The following CCDC7 variants were observed in gnomAD, a reference collection of about 807,000 sequenced individuals.
CCDC7 encodes coiled-coil domain containing 7, also known as coiled-coil domain-containing protein 7.
A neutral mutation model predicts 196.9 loss-of-function variants in CCDC7; 183 were observed. That is an observed-to-expected ratio of 0.93 (90% CI 0.82 to 1.05). The LOEUF (loss-of-function observed/expected upper bound fraction) is 1.05, where lower values mean the gene tolerates loss of function less well. Among genes scored for constraint, CCDC7 ranks in the 50% least tolerant of loss-of-function variants. The pLI is 0.00. For missense variants in CCDC7, 1,540 were observed against 1,482.2 expected (o/e 1.04, Z -0.64); for synonymous variants, 525 against 484.6 (o/e 1.08, Z -1.10).
At chr10:32,515,073 G>T (rs2046817582) in intron 9 of CCDC7, among the ~76,000 whole-genome samples, 1 of 152,098 alleles carries the variant, frequency 6.6e-6, no homozygotes, top group Admixed American at 6.6e-5. Flanking sequence ...TGATCCTCCT[G>T]CCTTGGCCTC....
intron 25 of CCDC7, among the ~76,000 whole-genome samples, chr10:32,720,611 T>A (rs185043331): frequency 6.6e-6 from 1 of 152,174 alleles, no homozygotes; most frequent in Non-Finnish European, 1.5e-5. Context: ...AAGGGAAGGA[T>A]AACGATTCCC....
intron 29 of CCDC7, among the ~76,000 whole-genome samples, chr10:32,800,700 G>A (rs752205396): frequency 2.6e-5 from 4 of 152,192 alleles, no homozygotes; most frequent in Non-Finnish European, 5.9e-5. Flanking sequence ...TGTTGGTAGT[G>A]TAGTGGGATC....
intron 24 of CCDC7, among the ~76,000 whole-genome samples, chr10:32,700,666 A>G (rs900273427): frequency 6.6e-6 from 1 of 152,132 alleles, no homozygotes; most frequent in African/African-American, 2.4e-5. Flanking sequence ...TTTTCACGAT[A>G]TTGATTCTTC....
chr10:32,510,999 G>T (rs1028747815), intron 9 of CCDC7, among the ~76,000 whole-genome samples: 3 of 150,962 alleles, frequency 2.0e-5, no homozygotes, highest in African/African-American at 7.3e-5. Context: ...TGTTTACAAA[G>T]AACATTTCAC....
chr10:32,445,667 T>G (rs903868672), upstream of CCDC7, among the ~76,000 whole-genome samples: 1 of 152,216 alleles, frequency 6.6e-6, no homozygotes, highest in Non-Finnish European at 1.5e-5. Context: ...AGAAACCACT[T>G]AAGTGTCACA....
intron 29 of CCDC7, among the ~76,000 whole-genome samples, chr10:32,795,161 C>T (rs2083345936): frequency 1.3e-5 from 2 of 152,298 alleles, no homozygotes; most frequent in South Asian, 4.1e-4. Flanking sequence ...ATAAACTTTG[C>T]ATTCCTTTTT....
chr10:32,882,419 T>C (rs1412033585), intron 22 of CCDC7, among the ~76,000 whole-genome samples: 1 of 152,164 alleles, frequency 6.6e-6, no homozygotes, highest in African/African-American at 2.4e-5. Flanking sequence ...TGAGGCCTAG[T>C]TGAGAAGAGG....
At chr10:32,510,803 T>C (rs540513084) in intron 9 of CCDC7, among the ~76,000 whole-genome samples, 3 of 152,246 alleles carry the variant, frequency 2.0e-5, no homozygotes, top group Non-Finnish European at 4.4e-5. Flanking sequence ...TTTTACACTT[T>C]GAATATCAAC....
chr10:32,587,950 C>T (rs1443462510), intron 18 of CCDC7, among the ~76,000 whole-genome samples: 5 of 152,094 alleles, frequency 3.3e-5, no homozygotes, highest in African/African-American at 1.2e-4. Flanking sequence ...ACAGGTGGGA[C>T]CTTTGGGAGT....
chr10:32,479,192 G>A (rs1258233311), intron 8 of CCDC7, among the ~76,000 whole-genome samples: 3 of 151,836 alleles, frequency 2.0e-5, no homozygotes, highest in Admixed American at 1.3e-4. Flanking sequence ...TCTTGCATTC[G>A]TATTTGGACA....
chr10:32,538,208 C>G (rs1419446753), intron 11 of CCDC7, among the ~76,000 whole-genome samples: 2 of 152,208 alleles, frequency 1.3e-5, no homozygotes, highest in Non-Finnish European at 2.9e-5. Context: ...TCTTTCACCT[C>G]CCTAGTTAGC....
At chr10:32,841,256 A>G (rs2092952985) in intron 33 of CCDC7, among the ~76,000 whole-genome samples, 1 of 151,888 alleles carries the variant, frequency 6.6e-6, no homozygotes, top group African/African-American at 2.4e-5. Context: ...AGCACTAAAG[A>G]CTCATCCAAA....
chr10:32,702,297 T>C (rs899188938), intron 24 of CCDC7, among the ~76,000 whole-genome samples: 22 of 152,166 alleles, frequency 1.4e-4, no homozygotes, highest in African/African-American at 3.9e-4. Context: ...CATTCAGGAG[T>C]GGGTTGTTCA....
At chr10:32,564,940 G>A (rs368832302) in intron 13 of CCDC7, among the ~76,000 whole-genome samples, 3 of 152,158 alleles carry the variant, frequency 2.0e-5, no homozygotes, top group East Asian at 1.9e-4. Flanking sequence ...ACCCACTGCT[G>A]CACTCTAGCC....
intron 26 of CCDC7, 65 bp downstream of exon 27, chr10:32,726,897 C>T: frequency 2.1e-6 from 2 of 950,554 alleles, no homozygotes; most frequent in Non-Finnish European, 3.1e-6. Context: ...AAGATCTTTG[C>T]CTTTGATTCC....
At chr10:32,583,942 T>A (rs1015436098) in intron 17 of CCDC7, among the ~76,000 whole-genome samples, 12 of 152,184 alleles carry the variant, frequency 7.9e-5, no homozygotes, top group Admixed American at 7.2e-4. Flanking sequence ...ATCTTAATAA[T>A]TATTAACACT....
intron 12 of CCDC7, 58 bp from the exon 14 acceptor site, chr10:32,544,189 C>G: frequency 6.9e-7 from 1 of 1,441,014 alleles, no homozygotes; most frequent in South Asian, 1.4e-5. Flanking sequence ...CTCAAGAAAG[C>G]AAAGCAGTGA....
intron 28 of CCDC7, among the ~76,000 whole-genome samples, chr10:32,733,076 T>C (rs2132852505): frequency 1.3e-5 from 2 of 152,232 alleles, no homozygotes; most frequent in South Asian, 4.1e-4. Context: ...GCCTGATCTG[T>C]TTTTGAATCT....
At chr10:32,782,998 A>T (rs2081294125) in intron 29 of CCDC7, among the ~76,000 whole-genome samples, 1 of 152,226 alleles carries the variant, frequency 6.6e-6, no homozygotes, top group Non-Finnish European at 1.5e-5. Context: ...CTTACCTTAC[A>T]TTATATACAA....
Sources: allele counts gnomAD v4.1 joint callset (sites outside exome capture counted in the v4.1 genomes callset), GRCh38; gene constraint gnomAD v4.1.1; transcripts MANE v1.5; gene names NCBI Gene and HGNC (gene_info 2026-07-23, HGNC 2026-07-21).